The following ANKRD11 variants were observed in gnomAD, a reference collection of about 807,000 sequenced individuals.
ANKRD11 encodes the protein ankyrin repeat domain 11.
Under a neutral mutation model 195.7 loss-of-function variants are expected in ANKRD11, and 17 were observed. The observed-to-expected ratio is 0.09, with a 90% CI of 0.06 to 0.13. The LOEUF (loss-of-function observed/expected upper bound fraction) is 0.13, where lower values mean the gene tolerates loss of function less well. Among genes scored for constraint, ANKRD11 ranks in the 10% least tolerant of loss-of-function variants. The pLI, the probability that ANKRD11 is intolerant of heterozygous loss-of-function variation, is 1.00. For missense variants in ANKRD11, 3,735 were observed against 3,566.1 expected (o/e 1.05, Z -1.21); for synonymous variants, 1,953 against 1,528.1 (o/e 1.28, Z -6.49).
chr16:89,271,054 G>T, intron 11 of ANKRD11, 145 bp from the exon 12 acceptor site: 1 of 760,350 alleles, frequency 1.3e-6, no homozygotes, highest in Non-Finnish European at 2.3e-6. Context: ...ACTGAATCAT[G>T]TTCAAGGCAT....
chr16:89,304,022 C>G (rs952771541), intron 4 of ANKRD11, among the ~76,000 whole-genome samples: 1 of 152,256 alleles, frequency 6.6e-6, no homozygotes, highest in African/African-American at 2.4e-5. Context: ...CGGTTCACTC[C>G]AGGCTTTGTG....
intron 1 of ANKRD11, among the ~76,000 whole-genome samples, chr16:89,440,878 C>A (rs1209416869): frequency 6.6e-6 from 1 of 152,182 alleles, no homozygotes; most frequent in African/African-American, 2.4e-5. Flanking sequence ...CGCATGAATC[C>A]TGGTGTGGCT....
At chr16:89,410,807 T>C (rs1377963529) in intron 2 of ANKRD11, among the ~76,000 whole-genome samples, 2 of 152,200 alleles carry the variant, frequency 1.3e-5, no homozygotes, top group African/African-American at 2.4e-5. Context: ...TCTAAGCCCA[T>C]GGGAAGCTTA....
intron 1 of ANKRD11, among the ~76,000 whole-genome samples, chr16:89,432,944 A>ATCTCCCTC (rs1221395147): frequency 4.6e-5 from 5 of 108,650 alleles, no homozygotes; most frequent in African/African-American, 1.9e-4. Context: ...CAGAGACCCT[A>ATCTCCCTC]TCTCTCTCTC....
At chr16:89,482,783 ACT>A (rs2057485857) in intron 1 of ANKRD11, among the ~76,000 whole-genome samples, 1 of 152,022 alleles carries the variant, frequency 6.6e-6, no homozygotes, top group Non-Finnish European at 1.5e-5. Flanking sequence ...CAGAGCCGAG[ACT>A]CTCCAAAAAA....
At chr16:89,342,350 G>C (rs973182093) in intron 2 of ANKRD11, among the ~76,000 whole-genome samples, 1 of 152,266 alleles carries the variant, frequency 6.6e-6, no homozygotes, top group African/African-American at 2.4e-5. Context: ...CATTTCACCT[G>C]AGAGTCGGAA....
At chr16:89,391,171 T>G (rs950372619) in intron 2 of ANKRD11, among the ~76,000 whole-genome samples, 3 of 142,350 alleles carry the variant, frequency 2.1e-5, no homozygotes, top group African/African-American at 8.0e-5. Context: ...GAGCTTGCAG[T>G]GAGCCGAGAT....
In ANKRD11 at chr16:89,282,426, C is replaced by T. The variant is rs1394104256; in HGVS notation, c.4116G>A (p.Glu1372=). ...TGTAATCTTCGCCCTTCTCTTTCTTCTCGGCCTTCTCTTTCTTGGCTCGCT... is the reference window on the plus strand; with the variant it reads ...TGTAATCTTCGCCCTTCTCTTTCTTTTCGGCCTTCTCTTTCTTGGCTCGCT... ...DRERAKKEKA[E]KKEKGEDYKE... The change falls in exon 9 of 13, where the codon GAG becomes GAA. Residue 1372 remains glutamate (E), a synonymous_variant. Transcript: ENST00000301030. The T allele has an allele frequency of 1.2e-6, 2 of 1,614,136 alleles. No individual in the cohort carries two copies. The highest frequency in any genetic ancestry group is 2.2e-5 in the East Asian group (1 of 44,882).
chr16:89,367,128 C>A (rs1461711687), intron 2 of ANKRD11, among the ~76,000 whole-genome samples: 1 of 152,194 alleles, frequency 6.6e-6, no homozygotes, highest in Admixed American at 6.5e-5. Context: ...TACCTCAACT[C>A]TCCACCCCGC....
chr16:89,276,987 T>C (rs570812549), intron 9 of ANKRD11, among the ~76,000 whole-genome samples: 4 of 145,008 alleles, frequency 2.8e-5, no homozygotes, highest in South Asian at 4.4e-4. Context: ...ACCGGGGAGG[T>C]GGAGCTTGCA....
intron 4 of ANKRD11, among the ~76,000 whole-genome samples, chr16:89,303,566 C>A (rs2035977891): frequency 6.6e-6 from 1 of 152,224 alleles, no homozygotes; most frequent in Non-Finnish European, 1.5e-5. Flanking sequence ...CTGCAGCCTT[C>A]CTGTCCCCAG....
At chr16:89,300,772 C>A in intron 4 of ANKRD11, 1 of 657,286 alleles carries the variant, frequency 1.5e-6, no homozygotes, top group Non-Finnish European at 2.8e-6. Flanking sequence ...CCTGGCAGCA[C>A]TGCAGAGAGC....
At chr16:89,293,803 C>A (rs942441225) in intron 4 of ANKRD11, among the ~76,000 whole-genome samples, 5 of 151,976 alleles carry the variant, frequency 3.3e-5, no homozygotes, top group African/African-American at 1.2e-4. Context: ...GTTTACATCC[C>A]GAAGTGCAGG....
chr16:89,439,600 C>T (rs2043359258), intron 1 of ANKRD11, among the ~76,000 whole-genome samples: 1 of 152,180 alleles, frequency 6.6e-6, no homozygotes, highest in Non-Finnish European at 1.5e-5. Flanking sequence ...CACCACAGCG[C>T]CTCAGCAATT....
At chr16:89,323,899 G>A (rs529790750) in intron 2 of ANKRD11, 1 of 217,980 alleles carries the variant, frequency 4.6e-6, no homozygotes, top group African/African-American at 2.4e-5. Context: ...GCCAAGGCCA[G>A]GCAGGCACCA....
At chr16:89,346,109 C>T (rs866893060) in intron 2 of ANKRD11, among the ~76,000 whole-genome samples, 10 of 151,718 alleles carry the variant, frequency 6.6e-5, no homozygotes, top group African/African-American at 2.2e-4. Flanking sequence ...ATTAGCCGGG[C>T]GTGGTGCCGG....
At chr16:89,410,884 G>C (rs1054534349) in intron 2 of ANKRD11, among the ~76,000 whole-genome samples, 1 of 152,234 alleles carries the variant, frequency 6.6e-6, no homozygotes, top group African/African-American at 2.4e-5. Flanking sequence ...GCGTGAACAC[G>C]TGTTCTACAC....
chr16:89,292,142 G>T (rs2035101488), intron 4 of ANKRD11, among the ~76,000 whole-genome samples: 1 of 152,140 alleles, frequency 6.6e-6, no homozygotes, highest in African/African-American at 2.4e-5. Context: ...CAGAGGCAAG[G>T]CTCTGCCAAG....
rs770961045 is a variant in ANKRD11, at chr16:89,282,233, G to T, written c.4309C>A (p.Pro1437Thr). The change falls in exon 9 of 13, where the codon CCT (proline) becomes ACT (threonine). Residue 1437 changes from proline (P) to threonine (T), a missense_variant. Pro to Thr is a conservative substitution (Grantham distance 38). Coordinates refer to ENST00000301030, the MANE Select transcript of ANKRD11 (RefSeq NM_013275.6). ...AGTTCCTTTTCTATTTTCTTGGAAG[G>T]TTCTCTCTCGGAATCATTTTTATCT... The part of the protein sequence containing the change: ...KKDKNDSERE[P>T]SKKIEKELKP... The T allele has an allele frequency of 1.9e-6, 3 of 1,613,418 alleles. No individual in the cohort carries two copies. The highest frequency in any genetic ancestry group is 1.3e-5 in the African/African-American group (1 of 74,664).
Sources: allele counts gnomAD v4.1 joint callset (sites outside exome capture counted in the v4.1 genomes callset), GRCh38; gene constraint gnomAD v4.1.1; transcripts MANE v1.5; gene names NCBI Gene and HGNC (gene_info 2026-07-23, HGNC 2026-07-21).